The following STK11IP variants were observed in gnomAD, a reference collection of about 807,000 sequenced individuals.
STK11IP encodes the protein serine/threonine-protein kinase 11-interacting protein.
A neutral mutation model predicts 131.7 loss-of-function variants in STK11IP; 103 were observed. The ratio of observed to expected loss-of-function variants is 0.78; its 90% CI spans 0.67 to 0.92. The LOEUF (loss-of-function observed/expected upper bound fraction) is 0.92, where lower values mean the gene tolerates loss of function less well. STK11IP is among the 40% of genes least tolerant of loss of function. The pLI, the probability that STK11IP is intolerant of heterozygous loss-of-function variation, is 0.00. For missense variants in STK11IP, 1,315 were observed against 1,385.7 expected (o/e 0.95, Z 0.81); for synonymous variants, 557 against 575.6 (o/e 0.97, Z 0.46).
At position 219,611,644 on chromosome 2, in the gene STK11IP, G is replaced by C. The variant is rs568065407; in HGVS notation, c.2145G>C (p.Val715=). 23 of 1,613,152 alleles carry C rather than the reference G, an allele frequency of 1.4e-5. No individual in the cohort carries two copies. The East Asian group carries it at 5.1e-4, about 36-fold the overall frequency. ...AVCPNCGSDH[V]VLLAVSRGTP... ...GTCCTAACTGTGGTAGTGACCACGT[G>C]GTTCTCCTCGCTGTGTCTCGGGGAA... Residue 715 remains valine, a synonymous_variant, in exon 18 of 25, where the codon GTG becomes GTC. Transcript: ENST00000456909.
chr2:219,599,765 G>A (rs186638706), intron 2 of STK11IP, among the ~76,000 whole-genome samples: 7 of 147,856 alleles, frequency 4.7e-5, no homozygotes, highest in African/African-American at 1.5e-4. Flanking sequence ...ATGGAGTCTC[G>A]CTCTGTCACC....
chr2:219,611,903 A>T lies in STK11IP; in HGVS notation c.2336-52A>T, dbSNP rs1472743336. The T allele has an allele frequency of 3.2e-6, 5 of 1,574,668 alleles. No homozygotes were observed. In the African/African-American group the frequency reaches 5.4e-5, roughly 17 times the overall value. On this transcript the variant is annotated intron_variant, in intron 18 of 24. Coordinates refer to ENST00000456909, the MANE Select transcript of STK11IP (RefSeq NM_052902.4). ...AAGGGGCACTGATGGGGAGGTGGAGATGGAGCCCAGGGGCTGCCATGGGCA... is the reference window on the plus strand; with the variant it reads ...AAGGGGCACTGATGGGGAGGTGGAGTTGGAGCCCAGGGGCTGCCATGGGCA...
chr2:219,601,922 G>A, intron 4 of STK11IP, 66 bp from the exon 5 acceptor site: 2 of 1,411,078 alleles, frequency 1.4e-6, no homozygotes, highest in African/African-American at 2.8e-5. Context: ...CCCAACTAGG[G>A]GATGGGGATG....
intron 15 of STK11IP, 143 bp downstream of exon 15, chr2:219,608,931 C>A (rs675291): frequency 8.9e-7 from 1 of 1,122,426 alleles, no homozygotes; most frequent in Non-Finnish European, 1.3e-6. Flanking sequence ...TGCAAGCACT[C>A]GGGAAGCTGG....
intron 10 of STK11IP, 36 bp from the exon 11 acceptor site, chr2:219,606,440 A>G: frequency 1.2e-6 from 2 of 1,602,464 alleles, no homozygotes; most frequent in Non-Finnish European, 1.7e-6. Context: ...GGATGGGCCT[A>G]CCACATACTC....
intron 2 of STK11IP, among the ~76,000 whole-genome samples, chr2:219,600,954 G>T (rs1478017026): frequency 2.0e-5 from 3 of 152,192 alleles, no homozygotes; most frequent in African/African-American, 7.2e-5. Context: ...GTCAGTAGAT[G>T]AGGCTCTTTT....
chr2:219,603,214 G>A (rs1698048317), intron 7 of STK11IP, among the ~76,000 whole-genome samples: 1 of 151,948 alleles, frequency 6.6e-6, no homozygotes, highest in South Asian at 2.1e-4. Flanking sequence ...GCTAATTTTT[G>A]TATTTTTAGT....
rs1392925099 is a variant in STK11IP at position 219,608,230 on chromosome 2, G to C, written c.1403G>C (p.Arg468Thr). The change falls in exon 14 of 25, where the codon AGA becomes ACA. Residue 468 changes from arginine to threonine, a missense_variant. Coordinates refer to ENST00000456909, the MANE Select transcript of STK11IP (RefSeq NM_052902.4). ...ASSQGPDTAP[R>T]PSPPQEEARG... Reference sequence around the variant, plus strand: ...TCCCAGGGCCCCGACACTGCACCCAGACCTTCACCCCCGCAGGAGGAAGCC... The same window carrying C: ...TCCCAGGGCCCCGACACTGCACCCACACCTTCACCCCCGCAGGAGGAAGCC... The C allele has an allele frequency of 6.2e-7, 1 of 1,613,618 alleles. No homozygotes were observed. Among genetic ancestry groups the C allele is most frequent in the East Asian group, 2.2e-5 (1 of 44,872 alleles).
At chr2:219,612,231 C>A (rs1205753006) in intron 19 of STK11IP, among the ~76,000 whole-genome samples, 173 bp downstream of exon 19, 1 of 152,212 alleles carries the variant, frequency 6.6e-6, no homozygotes, top group African/African-American at 2.4e-5. Flanking sequence ...ATTTGAGTCC[C>A]AGTTGTTGCC....
rs776406589 is a variant in STK11IP at position 219,613,155 on chromosome 2, G to A, written c.2467G>A (p.Gly823Arg). ...KVPVALAGHTGEFMCLVVVSD... is the reference protein window; with the variant it reads ...KVPVALAGHTREFMCLVVVSD... Reference sequence around the variant, plus strand: ...GCCAGTGGCATTGGCAGGCCACACTGGGGAGTTCATGTGCCTTGTGGTTGT... The same window carrying A: ...GCCAGTGGCATTGGCAGGCCACACTAGGGAGTTCATGTGCCTTGTGGTTGT... Residue 823 changes from glycine to arginine, a missense_variant, in exon 20 of 25, where the codon GGG (glycine) becomes AGG (arginine). Physicochemically the swap from Gly to Arg is moderately radical, Grantham distance 125. Coordinates refer to ENST00000456909, the MANE Select transcript of STK11IP (RefSeq NM_052902.4). 3.7e-6 allele frequency: 6 copies of A among 1,611,942 alleles called. No individual in the cohort carries two copies. The South Asian group carries it at 5.5e-5, about 15-fold the overall frequency.
intron 7 of STK11IP, 65 bp downstream of exon 7, chr2:219,602,841 C>A: frequency 6.7e-7 from 1 of 1,488,792 alleles, no homozygotes; most frequent in African/African-American, 1.4e-5. Flanking sequence ...CTCACTCTCT[C>A]TCCTTGACCA....
In STK11IP at chr2:219,607,133, G is replaced by A. The variant is rs892076989; in HGVS notation, c.1215G>A (p.Pro405=). The part of the protein sequence containing the change: ...DPEPRTLNPS[P]AGWFVQQHPE... ...AGCCCCGAACTCTGAACCCCTCTCCGGCTGGTAAGTCAGCTTCATCCCACT... is the reference window on the plus strand; with the variant it reads ...AGCCCCGAACTCTGAACCCCTCTCCAGCTGGTAAGTCAGCTTCATCCCACT... Residue 405 remains proline (P), a synonymous_variant, in exon 13 of 25, where the codon CCG becomes CCA. Transcript: ENST00000456909. 1.6e-5 allele frequency: 26 copies of A among 1,613,808 alleles called. No homozygotes were observed. The highest frequency in any genetic ancestry group is 2.0e-5 in the Non-Finnish European group (24 of 1,179,854).
Position 219,608,444 on chromosome 2 carries a change from G to A in STK11IP, c.1603+14G>A. 1 of 1,543,530 alleles carries A rather than the reference G, an allele frequency of 6.5e-7. No homozygotes were observed. The highest frequency in any genetic ancestry group is 1.4e-5 in the African/African-American group (1 of 73,688). On this transcript the variant is annotated intron_variant, in intron 14 of 24. Coordinates refer to ENST00000456909, the MANE Select transcript of STK11IP (RefSeq NM_052902.4). ...AGGAAGTGGAAGGTGAGCCCTTTGT[G>A]GGCTGGGGCGAGCTGAGGCCAGGGG...
At chr2:219,602,245 T>C (rs1177403595) in intron 5 of STK11IP, among the ~76,000 whole-genome samples, 162 bp downstream of exon 5, 1 of 152,254 alleles carries the variant, frequency 6.6e-6, no homozygotes, top group Non-Finnish European at 1.5e-5. Context: ...TAACTGCCTG[T>C]ATATTTATAG....
At chr2:219,608,968 A>G (rs1698297399) in intron 15 of STK11IP, 129 bp from the exon 16 acceptor site, 1 of 1,030,294 alleles carries the variant, frequency 9.7e-7, no homozygotes, top group African/African-American at 1.6e-5. Context: ...TCTGTGCTGG[A>G]GCTTGGACGT....
chr2:219,597,899 TAGG>T lies in STK11IP; in HGVS notation c.-46_-44del, dbSNP rs1445512974. On this transcript the variant is annotated 5_prime_UTR_variant, in exon 1 of 25. Coordinates refer to ENST00000456909, the MANE Select transcript of STK11IP (RefSeq NM_052902.4). ...GATAGGCGCCGGGCAGCTGAGCTGG[TAGG>T]AGGACCAGACGGGGAGGTTCGGTAT... 6 of 1,611,030 alleles carry T rather than the reference TAGG, an allele frequency of 3.7e-6. No homozygotes were observed. The highest frequency in any genetic ancestry group is 1.6e-4 in the Middle Eastern group (1 of 6,070).
intron 7 of STK11IP, among the ~76,000 whole-genome samples, chr2:219,604,790 C>T (rs950550658): frequency 6.6e-6 from 1 of 151,088 alleles, no homozygotes; most frequent in Non-Finnish European, 1.5e-5. Context: ...TTTCCCTGAA[C>T]AGAGCCTGGA....
intron 7 of STK11IP, among the ~76,000 whole-genome samples, chr2:219,604,059 A>G (rs997264615): frequency 1.3e-5 from 2 of 152,166 alleles, no homozygotes; most frequent in African/African-American, 4.8e-5. Context: ...TTAGGCTCCT[A>G]CCTTCCCACA....
chr2:219,612,918 A>G, intron 19 of STK11IP: 1 of 551,308 alleles, frequency 1.8e-6, no homozygotes, highest in Non-Finnish European at 3.3e-6. Context: ...CAGGGAAGCC[A>G]GCTGCTGAGG....
Sources: gnomAD v4.1 joint callset for allele counts (sites outside exome capture counted in the v4.1 genomes callset) on GRCh38, gnomAD v4.1.1 for gene constraint, MANE v1.5 for transcripts, NCBI Gene and HGNC (gene_info 2026-07-23, HGNC 2026-07-21) for gene names.